Variants in CYFIP1 observed in about 807,000 individuals in gnomAD.
CYFIP1 encodes the protein cytoplasmic FMR1-interacting protein 1.
In CYFIP1, 58 loss-of-function variants were observed where a neutral mutation model predicts 163.5. The ratio of observed to expected loss-of-function variants is 0.35; its 90% CI spans 0.29 to 0.44. CYFIP1 has a LOEUF of 0.44. Among genes scored for constraint, CYFIP1 ranks in the 20% least tolerant of loss-of-function variants. CYFIP1 has a pLI of 1.00. For synonymous variants in CYFIP1, 663 were observed against 660.7 expected (o/e 1.00, Z -0.05); for missense variants, 1,338 against 1,653.8 (o/e 0.81, Z 3.31).
rs1354421894 is a variant in CYFIP1, at chr15:22,905,341, G to A, written c.2389-1436C>T. The A allele has an allele frequency of 9.2e-5, 14 of 151,996 alleles. 2 individuals are homozygous for A. Among genetic ancestry groups the A allele is most frequent in the East Asian group, 7.7e-4 (4 of 5,174 alleles). 9.4% of individuals were successfully genotyped at this position (151,996 alleles called of 1,614,324 possible). On this transcript the variant is annotated intron_variant, in intron 21 of 30. Coordinates refer to ENST00000617928, the MANE Select transcript of CYFIP1 (RefSeq NM_014608.6). ...AATAGATGCCAGTCGGCCCTGTTCC[G>A]TTGCTTTGGTTTTCTTCTTGAGGAA...
rs986119383 is a variant in CYFIP1, at chr15:22,876,507, G to A, written c.3043-1236C>T. Reference sequence around the variant, plus strand: ...AATTATTTATGTCCATGAGTCCTGGGATGGACATAAATAATTATAGAACCA... The same window carrying A: ...AATTATTTATGTCCATGAGTCCTGGAATGGACATAAATAATTATAGAACCA... On this transcript the variant is annotated intron_variant, in intron 26 of 30. Transcript: ENST00000617928. Among the ~76,000 whole-genome samples the A allele has an allele frequency of 3.3e-5, 5 of 152,042 alleles. No individual in the cohort carries two copies. The East Asian group carries it at 7.8e-4, about 24-fold the overall frequency.
At chr15:22,896,033 G>C (rs540069245) in intron 22 of CYFIP1, among the ~76,000 whole-genome samples, 12 of 152,304 alleles carry the variant, frequency 7.9e-5, no homozygotes, top group Admixed American at 7.8e-4. Flanking sequence ...GTCACCTGAA[G>C]AGCTGGGGAG....
At chr15:22,927,414 C>G (rs1004294930) in intron 12 of CYFIP1, among the ~76,000 whole-genome samples, 1 of 142,656 alleles carries the variant, frequency 7.0e-6, no homozygotes, top group Middle Eastern at 4.1e-3. Flanking sequence ...ACCCAGGAGG[C>G]AGAGGTTGCA....
intron 13 of CYFIP1, among the ~76,000 whole-genome samples, chr15:22,922,163 A>G (rs2061207271): frequency 6.6e-6 from 1 of 151,996 alleles, no homozygotes. Context: ...TGTCCTGCCT[A>G]GAGATTATGT....
At chr15:22,935,676 G>C (rs1391319710) in intron 9 of CYFIP1, among the ~76,000 whole-genome samples, 1 of 152,064 alleles carries the variant, frequency 6.6e-6, no homozygotes, top group Non-Finnish European at 1.5e-5. Context: ...TTTCAATTCC[G>C]CAGCATAGTT....
chr15:22,878,612 AC>A (rs2059653787), intron 26 of CYFIP1, among the ~76,000 whole-genome samples: 1 of 151,380 alleles, frequency 6.6e-6, no homozygotes, highest in African/African-American at 2.4e-5. Context: ...TGTCTTCATG[AC>A]CCCAAGGCAG....
In CYFIP1 at chr15:22,867,056, T is replaced by A; in HGVS notation, c.*2972A>T. ...AATGACCTCAGCACATGACGATTTC[T>A]ATTAACATTTTATTGTTGTAGAAGT... On this transcript the variant is annotated 3_prime_UTR_variant, in exon 31 of 31. Transcript: ENST00000617928. 1 of 523,866 alleles carries A rather than the reference T, an allele frequency of 1.9e-6. No individual in the cohort carries two copies. The allele number at this position is 523,866 out of a possible 1,614,324, so 32.5% of individuals were successfully genotyped here.
chr15:22,884,838 C>G (rs772106807), intron 23 of CYFIP1, among the ~76,000 whole-genome samples: 2 of 152,218 alleles, frequency 1.3e-5, no homozygotes, highest in Admixed American at 6.5e-5. Flanking sequence ...TCCAACACCA[C>G]GCGGAAGCCA....
intron 23 of CYFIP1, among the ~76,000 whole-genome samples, chr15:22,883,254 C>T (rs2059819469): frequency 1.3e-5 from 2 of 152,164 alleles, no homozygotes; most frequent in Non-Finnish European, 2.9e-5. Context: ...TGTTGAATAG[C>T]CGACTCGCTA....
Position 22,939,335 on chromosome 15 carries a change from A to G in CYFIP1, c.667-15T>C, listed in dbSNP as rs188449048. On this transcript the variant is annotated splice_polypyrimidine_tract_variant and intron_variant, in intron 7 of 30. Coordinates refer to ENST00000617928, the MANE Select transcript of CYFIP1 (RefSeq NM_014608.6). ...TGCTGCAGAGACTGAAACACAGAGC[A>G]AGAGACTCATGCATGGGCCCGGCGC... The G allele has an allele frequency of 3.7e-6, 6 of 1,614,156 alleles. No individual in the cohort carries two copies. The highest frequency in any genetic ancestry group is 5.1e-6 in the Non-Finnish European group (6 of 1,180,012).
chr15:22,897,669 A>T (rs2060279620), intron 22 of CYFIP1, among the ~76,000 whole-genome samples: 2 of 151,990 alleles, frequency 1.3e-5, no homozygotes, highest in South Asian at 4.2e-4. Context: ...TTTTTAGTAG[A>T]GGTGGAGTTT....
rs1175293498 is a variant in CYFIP1 at position 22,867,472 on chromosome 15, C to T, written c.*2556G>A. ...GTGAATCCGGCTTCCTCTGAGCATT[C>T]GATGGCCTTAGCACCTCATCAAGCC... On this transcript the variant is annotated 3_prime_UTR_variant, in exon 31 of 31. Coordinates refer to ENST00000617928, the MANE Select transcript of CYFIP1 (RefSeq NM_014608.6). 9.2e-6 allele frequency: 3 copies of T among 326,404 alleles called. No individual in the cohort carries two copies. Among genetic ancestry groups the T allele is most frequent in the Non-Finnish European group, 1.6e-5 (3 of 182,174 alleles). The allele number at this position is 326,404 out of a possible 1,614,324, so 20.2% of individuals were successfully genotyped here. A position where few individuals can be genotyped will look rare whatever the true frequency, so the allele number is the denominator to read the frequency against.
At position 22,917,690 on chromosome 15, in the gene CYFIP1, G is replaced by A; in HGVS notation, c.1674+98C>T. 1 of 1,376,594 alleles carries A rather than the reference G, an allele frequency of 7.3e-7. No individual in the cohort carries two copies. Among genetic ancestry groups the A allele is most frequent in the Non-Finnish European group, 9.7e-7 (1 of 1,033,938 alleles). The allele number at this position is 1,376,594 out of a possible 1,614,324, so 85.3% of individuals were successfully genotyped here. On this transcript the variant is annotated intron_variant, in intron 15 of 30. Coordinates refer to ENST00000617928, the MANE Select transcript of CYFIP1 (RefSeq NM_014608.6). This position sits in a 1 kb window ranked among gnomAD's most constrained non-coding sequence, Gnocchi z 4.2. ...TTTCTCTGCCTGAGCAGGCAGCGAG[G>A]ACCTCATTTAACCCGGGCCTCACCA... is the stretch of plus-strand genomic sequence containing the variant.
intron 25 of CYFIP1, among the ~76,000 whole-genome samples, chr15:22,881,562 A>G (rs910118379): frequency 6.6e-5 from 10 of 151,864 alleles, no homozygotes; most frequent in African/African-American, 2.4e-4. Flanking sequence ...GGGCAGCAGG[A>G]CCCAGCAGTC....
chr15:22,870,326 T>TG (rs1245856869), intron 30 of CYFIP1, 134 bp from the exon 31 acceptor site: 83 of 1,057,928 alleles, frequency 7.8e-5, no homozygotes, highest in Non-Finnish European at 9.6e-5. Context: ...CTGTTCTTTT[T>TG]GGGTTTTTTT....
At chr15:22,908,753 T>TC (rs1267458375) in intron 21 of CYFIP1, among the ~76,000 whole-genome samples, 2 of 151,912 alleles carry the variant, frequency 1.3e-5, no homozygotes, top group African/African-American at 2.4e-5. Flanking sequence ...GGTCTCAAAC[T>TC]CCTGACCTCA....
chr15:22,977,802 G>C (rs1475619784), intron 1 of CYFIP1, among the ~76,000 whole-genome samples: 1 of 152,042 alleles, frequency 6.6e-6, no homozygotes, highest in Non-Finnish European at 1.5e-5. Context: ...TTGCACTCCA[G>C]CCTGGGCAAC....
intron 11 of CYFIP1, 76 bp downstream of exon 11, chr15:22,932,147 T>C: frequency 9.6e-7 from 1 of 1,039,500 alleles, no homozygotes; most frequent in Non-Finnish European, 1.4e-6. Flanking sequence ...TTCAAAGCAA[T>C]TAAACCTAAG....
At chr15:22,975,756 T>A (rs1453166020) in intron 1 of CYFIP1, among the ~76,000 whole-genome samples, 1 of 152,110 alleles carries the variant, frequency 6.6e-6, no homozygotes, top group African/African-American at 2.4e-5. Context: ...CGAAACTCCA[T>A]CTCAAAAAAA....
Sources: allele counts gnomAD v4.1 joint callset (sites outside exome capture counted in the v4.1 genomes callset), GRCh38; gene constraint gnomAD v4.1.1; non-coding constraint Gnocchi (gnomAD v3.1); transcripts MANE v1.5; gene names NCBI Gene and HGNC (gene_info 2026-07-23, HGNC 2026-07-21).